Variants in DPYD observed in about 807,000 individuals in gnomAD.
The protein encoded by DPYD is dihydropyrimidine dehydrogenase [NADP(+)].
DPYD carries 109 observed loss-of-function variants against 116.2 expected under a neutral mutation model. The ratio of observed to expected loss-of-function variants is 0.94; its 90% CI spans 0.80 to 1.10. The LOEUF (loss-of-function observed/expected upper bound fraction) is 1.10. DPYD is among the 50% of genes least tolerant of loss of function. The pLI is 0.00. For missense variants in DPYD, 1,302 were observed against 1,254.5 expected (o/e 1.04, Z -0.57); for synonymous variants, 440 against 432.0 (o/e 1.02, Z -0.23).
intron 16 of DPYD, among the ~76,000 whole-genome samples, chr1:97,340,342 A>G (rs752465491): frequency 3.9e-5 from 6 of 152,158 alleles, no homozygotes; most frequent in Non-Finnish European, 5.9e-5. Context: ...CATAAACTAT[A>G]TATCAAACAA....
intron 8 of DPYD, among the ~76,000 whole-genome samples, chr1:97,615,807 C>T (rs1351347105): frequency 6.6e-6 from 1 of 152,048 alleles, no homozygotes; most frequent in Non-Finnish European, 1.5e-5. Flanking sequence ...GTCTCATCTC[C>T]CCCAACCCCT....
At chr1:97,811,819 A>G (rs544167352) in intron 3 of DPYD, among the ~76,000 whole-genome samples, 1 of 152,272 alleles carries the variant, frequency 6.6e-6, no homozygotes, top group East Asian at 1.9e-4. Flanking sequence ...AATAGTTCTT[A>G]TAAAGCCTAA....
chr1:97,079,005 C>T lies in DPYD; in HGVS notation c.3049G>A (p.Val1017Ile), dbSNP rs140114515. The change falls in exon 23 of 23, where the codon GTA becomes ATA. Residue 1017 changes from valine (V) to isoleucine (I), a missense_variant. Transcript: ENST00000370192. The part of the protein sequence containing the change: ...RTTPYEPKRG[V>I]PLSVNPVC ...CACACCGGATTCACAGATAAGGGTACGCCTCTCTTTGGTTCATAAGGTGTT... is the reference window on the plus strand; with the variant it reads ...CACACCGGATTCACAGATAAGGGTATGCCTCTCTTTGGTTCATAAGGTGTT... The T allele has an allele frequency of 1.1e-5, 17 of 1,613,500 alleles. No individual in the cohort carries two copies. The highest frequency in any genetic ancestry group is 1.6e-4 in the Middle Eastern group (1 of 6,082).
In DPYD at chr1:97,079,100, G is replaced by T. The variant is rs772544099; in HGVS notation, c.2954C>A (p.Thr985Asn). 6.2e-7 allele frequency: 1 copy of T among 1,613,722 alleles called. No individual in the cohort carries two copies. Among genetic ancestry groups the T allele is most frequent in the Non-Finnish European group, 8.5e-7 (1 of 1,179,718 alleles). Residue 985 changes from threonine to asparagine, a missense_variant, in exon 23 of 23, where the codon ACT becomes AAT. Transcript: ENST00000370192. ...GAGACACAGAGTACAGCCTGTACAA[G>T]TGTCGGTTATGGTGGGCAGGTGGGT... ...PETHLPTITD[T>N]CTGCTLCLSV...
At chr1:97,227,964 A>G (rs1241516266) in intron 19 of DPYD, among the ~76,000 whole-genome samples, 7 of 151,930 alleles carry the variant, frequency 4.6e-5, no homozygotes, top group Non-Finnish European at 7.4e-5. Context: ...TTCAATAAAA[A>G]TTTTCTAGGA....
chr1:97,460,684 T>G (rs759527725), intron 13 of DPYD, among the ~76,000 whole-genome samples: 2 of 152,112 alleles, frequency 1.3e-5, no homozygotes, highest in African/African-American at 2.4e-5. Flanking sequence ...TGAAGAAATG[T>G]CATTGTCCTG....
chr1:97,807,184 C>T (rs1242096308), intron 3 of DPYD, among the ~76,000 whole-genome samples: 1 of 152,004 alleles, frequency 6.6e-6, no homozygotes, highest in Non-Finnish European at 1.5e-5. Flanking sequence ...GCCAAAAATG[C>T]AATTGCTGGA....
chr1:97,631,903 AT>A (rs1168631417), intron 8 of DPYD, among the ~76,000 whole-genome samples: 2 of 152,046 alleles, frequency 1.3e-5, no homozygotes, highest in African/African-American at 4.8e-5. Context: ...TTTAAAAATG[AT>A]TTTTAAAGAC....
chr1:97,204,766 C>T (rs139684175), intron 19 of DPYD, among the ~76,000 whole-genome samples: 84 of 152,028 alleles, frequency 5.5e-4, no homozygotes, highest in African/African-American at 1.8e-3. Context: ...CAAAATGCTC[C>T]GTCACTTTTG....
intron 3 of DPYD, among the ~76,000 whole-genome samples, chr1:97,766,078 A>T (rs180919986): frequency 6.6e-6 from 1 of 152,132 alleles, no homozygotes; most frequent in East Asian, 2.0e-4. Context: ...ACTCTACTAA[A>T]AAAACACAAA....
At chr1:97,159,547 T>TA (rs1290598404) in intron 20 of DPYD, among the ~76,000 whole-genome samples, 1 of 151,894 alleles carries the variant, frequency 6.6e-6, no homozygotes, top group Non-Finnish European at 1.5e-5. Flanking sequence ...CTAAACTTGG[T>TA]AAAAAAATAA....
At chr1:97,460,864 C>T (rs1257894104) in intron 13 of DPYD, among the ~76,000 whole-genome samples, 1 of 151,966 alleles carries the variant, frequency 6.6e-6, no homozygotes, top group Non-Finnish European at 1.5e-5. Flanking sequence ...CAGGGAGAAA[C>T]CCTGTCTCTA....
intron 8 of DPYD, among the ~76,000 whole-genome samples, chr1:97,617,283 C>T (rs1656349368): frequency 6.6e-6 from 1 of 152,210 alleles, no homozygotes; most frequent in African/African-American, 2.4e-5. Context: ...AATGTCTATA[C>T]AAAAACACTC....
rs568889507 is a variant in DPYD, at chr1:97,764,681, A to G, written c.234-24202T>C. ...CTCTAGGGAAAATATCTTTTTCCTA[A>G]GAATAAACTTTAACAATACTTTATT... is the stretch of plus-strand genomic sequence containing the variant. On this transcript the variant is annotated intron_variant, in intron 3 of 22. Coordinates refer to ENST00000370192, the MANE Select transcript of DPYD (RefSeq NM_000110.4). 1.8e-4 allele frequency among the ~76,000 whole-genome samples: 28 copies of G among 152,230 alleles called. No individual in the cohort carries two copies. In the East Asian group the frequency reaches 5.4e-3, roughly 29 times the overall value.
chr1:97,650,112 A>AG (rs781271931), intron 8 of DPYD, among the ~76,000 whole-genome samples: 39 of 151,950 alleles, frequency 2.6e-4, no homozygotes, highest in Non-Finnish European at 1.8e-4. Context: ...CCCTCCACTT[A>AG]GGGGATGTTC....
chr1:97,398,459 C>A (rs1570666984), intron 14 of DPYD, among the ~76,000 whole-genome samples: 1 of 152,094 alleles, frequency 6.6e-6, no homozygotes, highest in Non-Finnish European at 1.5e-5. Context: ...TGGGTATATA[C>A]TCAGTAATGG....
chr1:97,173,625 T>C lies in DPYD; in HGVS notation c.2622+19444A>G, dbSNP rs116317795. Among the ~76,000 whole-genome samples the C allele has an allele frequency of 6.5e-3, 978 of 151,360 alleles. 11 individuals carry two copies. The highest frequency in any genetic ancestry group is 0.023 in the African/African-American group (938 of 41,172). On this transcript the variant is annotated intron_variant, in intron 20 of 22. Coordinates refer to ENST00000370192, the MANE Select transcript of DPYD (RefSeq NM_000110.4). ...TATTAATCACTCAATCTCAATTAACTACTGCAGTGCCTGGCATGGAATACT... is the reference window on the plus strand; with the variant it reads ...TATTAATCACTCAATCTCAATTAACCACTGCAGTGCCTGGCATGGAATACT...
chr1:97,775,061 T>C (rs375910602), intron 3 of DPYD: 2 of 183,576 alleles, frequency 1.1e-5, no homozygotes, highest in East Asian at 3.1e-4. Flanking sequence ...CATCATTATA[T>C]TGCCAGACTC....
intron 18 of DPYD, among the ~76,000 whole-genome samples, chr1:97,248,074 C>T (rs1215753425): frequency 6.6e-6 from 1 of 152,058 alleles, no homozygotes; most frequent in Non-Finnish European, 1.5e-5. Context: ...AAATTATAGA[C>T]CAATATCCAT....
Sources: gnomAD v4.1 joint callset for allele counts (sites outside exome capture counted in the v4.1 genomes callset) on GRCh38, gnomAD v4.1.1 for gene constraint, MANE v1.5 for transcripts, NCBI Gene and HGNC (gene_info 2026-07-23, HGNC 2026-07-21) for gene names.